The following HMGXB4 variants were observed in gnomAD, a reference collection of about 807,000 sequenced individuals.
HMGXB4 encodes the protein HMG domain-containing protein 4.
In HMGXB4, 27 loss-of-function variants were observed where a neutral mutation model predicts 63.9. That is an observed-to-expected ratio of 0.42 (90% CI 0.31 to 0.58). The LOEUF is 0.58. Ranked by LOEUF, HMGXB4 falls within the 20% of genes least tolerant of loss-of-function variation. The pLI is 0.13. For synonymous variants in HMGXB4, 264 were observed against 265.3 expected (o/e 0.99, Z 0.05); for missense variants, 624 against 700.7 (o/e 0.89, Z 1.24).
intron 9 of HMGXB4, among the ~76,000 whole-genome samples, chr22:35,289,465 AAAAAAC>A (rs772831974): frequency 6.0e-4 from 92 of 152,264 alleles, no homozygotes; most frequent in Non-Finnish European, 8.4e-4. Flanking sequence ...ATCTTTTTTA[AAAAAAC>A]AAAAACAAAA....
chr22:35,293,861 G>T lies in HMGXB4; in HGVS notation c.*210G>T. On this transcript the variant is annotated 3_prime_UTR_variant, in exon 11 of 11. Coordinates refer to ENST00000216106, the MANE Select transcript of HMGXB4 (RefSeq NM_001003681.3). The stretch of plus-strand genomic sequence containing the variant: ...AATTTTATGAAATGGCAAAGGTTTA[G>T]CCAAGAGGAAATTTTGGCATGAATA... The T allele has an allele frequency of 3.1e-6, 1 of 319,048 alleles. No individual in the cohort carries two copies. The highest frequency in any genetic ancestry group is 5.6e-6 in the Non-Finnish European group (1 of 178,852). The allele number at this position is 319,048 out of a possible 1,614,324, so 19.8% of individuals were successfully genotyped here.
intron 5 of HMGXB4, among the ~76,000 whole-genome samples, chr22:35,272,164 GA>G (rs1413043635): frequency 6.6e-6 from 1 of 152,198 alleles, no homozygotes; most frequent in Non-Finnish European, 1.5e-5. Context: ...AGAGAAGGAA[GA>G]GGGGGCGGCT....
At chr22:35,256,767 C>T (rs932041919), upstream of HMGXB4, among the ~76,000 whole-genome samples, 22 of 152,206 alleles carry the variant, frequency 1.4e-4, no homozygotes, top group African/African-American at 5.1e-4. Context: ...TCCCAAAGTG[C>T]TGGGATTACA....
chr22:35,259,130 C>T (rs1037341614), intron 1 of HMGXB4, among the ~76,000 whole-genome samples: 1 of 151,958 alleles, frequency 6.6e-6, no homozygotes. Flanking sequence ...AAGAGCAACT[C>T]TGCCCCCTCC....
At chr22:35,275,035 T>C (rs148574995) in intron 5 of HMGXB4, among the ~76,000 whole-genome samples, 15 of 151,994 alleles carry the variant, frequency 9.9e-5, no homozygotes, top group Non-Finnish European at 1.9e-4. Flanking sequence ...AGGGTTGTTA[T>C]GAGGTTTAAG....
chr22:35,278,596 C>T (rs867410150), intron 5 of HMGXB4, among the ~76,000 whole-genome samples: 1 of 151,988 alleles, frequency 6.6e-6, no homozygotes, highest in Non-Finnish European at 1.5e-5. Flanking sequence ...TCATTAAACC[C>T]CTTCCAAACC....
At chr22:35,282,178 T>C (rs902321602) in intron 5 of HMGXB4, among the ~76,000 whole-genome samples, 1 of 152,192 alleles carries the variant, frequency 6.6e-6, no homozygotes, top group African/African-American at 2.4e-5. Context: ...ATTCATGTCA[T>C]ATTTTTTGTT....
upstream of HMGXB4, among the ~76,000 whole-genome samples, chr22:35,254,723 C>T (rs1156577377): frequency 2.0e-5 from 3 of 152,240 alleles, no homozygotes; most frequent in Admixed American, 2.0e-4. Flanking sequence ...GTACCTGCCA[C>T]ATGCTGTGTT....
intron 4 of HMGXB4, 161 bp downstream of exon 4, chr22:35,264,035 T>C (rs766391100): frequency 6.5e-7 from 1 of 1,549,018 alleles, no homozygotes; most frequent in Non-Finnish European, 8.7e-7. Context: ...AGGAGAGAGG[T>C]GGAGGGCTGG....
At chr22:35,266,530 C>G (rs1923262683) in intron 5 of HMGXB4, among the ~76,000 whole-genome samples, 1 of 152,176 alleles carries the variant, frequency 6.6e-6, no homozygotes. Flanking sequence ...AATCAGTCAC[C>G]TTGGTTTGAT....
intron 5 of HMGXB4, among the ~76,000 whole-genome samples, chr22:35,272,869 G>A (rs532873174): frequency 6.6e-6 from 1 of 152,356 alleles, no homozygotes; most frequent in East Asian, 1.9e-4. Flanking sequence ...GGGAGGCGGA[G>A]GTTGCAGTGA....
At chr22:35,281,173 C>T (rs1272636885) in intron 5 of HMGXB4, among the ~76,000 whole-genome samples, 2 of 152,196 alleles carry the variant, frequency 1.3e-5, no homozygotes, top group Admixed American at 6.5e-5. Context: ...TTTACTATCA[C>T]ATATTAGAAA....
intron 1 of HMGXB4, among the ~76,000 whole-genome samples, chr22:35,258,875 C>T (rs1922644396): frequency 1.3e-5 from 2 of 152,212 alleles, no homozygotes; most frequent in South Asian, 2.1e-4. Context: ...ATTTCTCTTA[C>T]TGTCCGTGTG....
At chr22:35,260,604 G>A (rs1028593343) in intron 1 of HMGXB4, among the ~76,000 whole-genome samples, 2 of 152,168 alleles carry the variant, frequency 1.3e-5, no homozygotes, top group African/African-American at 2.4e-5. Flanking sequence ...AAGGCCCTTC[G>A]AACAGGCAGT....
the HMGXB4 span, among the ~76,000 whole-genome samples, chr22:35,241,753 T>C: frequency 1.3e-5 from 2 of 152,204 alleles, no homozygotes; most frequent in South Asian, 2.1e-4. Flanking sequence ...ACTTCTGCAG[T>C]TGGGGCACTC....
chr22:35,291,687 A>C (rs1188527364), intron 9 of HMGXB4, among the ~76,000 whole-genome samples: 20 of 152,212 alleles, frequency 1.3e-4, no homozygotes, highest in Non-Finnish European at 1.5e-5. Context: ...TTTGGTTCAG[A>C]GTGCTTAATA....
At chr22:35,252,132 T>C in the HMGXB4 span, among the ~76,000 whole-genome samples, 1 of 152,174 alleles carries the variant, frequency 6.6e-6, no homozygotes, top group African/African-American at 2.4e-5. Flanking sequence ...GGACACTCAC[T>C]TGAACCCAGG....
At chr22:35,244,730 AG>A in the HMGXB4 span, among the ~76,000 whole-genome samples, 1 of 152,194 alleles carries the variant, frequency 6.6e-6, no homozygotes, top group Non-Finnish European at 1.5e-5. Context: ...CTAGCCAATC[AG>A]GACAAATACA....
At chr22:35,253,771 T>C (rs578164092), upstream of HMGXB4, among the ~76,000 whole-genome samples, 2 of 152,294 alleles carry the variant, frequency 1.3e-5, no homozygotes, top group Admixed American at 1.3e-4. Context: ...AGGGAAGGAT[T>C]TGAATCCCCG....
Sources: gnomAD v4.1 joint callset for allele counts (sites outside exome capture counted in the v4.1 genomes callset) on GRCh38, gnomAD v4.1.1 for gene constraint, MANE v1.5 for transcripts, NCBI Gene and HGNC (gene_info 2026-07-23, HGNC 2026-07-21) for gene names.